Variants in ZBTB22 observed in about 807,000 individuals in gnomAD.
ZBTB22 encodes the protein zinc finger and BTB domain containing 22.
For synonymous variants in ZBTB22, 356 were observed against 347.3 expected, an observed-to-expected ratio of 1.03 and a Z score of -0.28; for missense variants, 668 against 834.1, an observed-to-expected ratio of 0.80 and a Z score of 2.45.
Position 33,315,875 on chromosome 6 carries a change from C to T in ZBTB22, c.1042G>A (p.Val348Met), listed in dbSNP as rs1013447009. Reference sequence around the variant, plus strand: ...AGGGTAGCCTCAGGCCCTCCCCCCACTGGAACCCTGGAGCTACCCCCTAGT... The same window carrying T: ...AGGGTAGCCTCAGGCCCTCCCCCCATTGGAACCCTGGAGCTACCCCCTAGT... ...EELGGSSRVP[V>M]GGGPEATLSI... The change falls in exon 2 of 2, where the codon GTG becomes ATG. Residue 348 changes from valine to methionine, a missense_variant. Transcript: ENST00000431845. The surrounding 1 kb of genome is among the most constrained non-coding windows in gnomAD (Gnocchi z 5.4). The T allele has an allele frequency of 6.2e-7, 1 of 1,613,934 alleles. No homozygotes were observed. Among genetic ancestry groups the T allele is most frequent in the Non-Finnish European group, 8.5e-7 (1 of 1,179,930 alleles).
At position 33,316,656 on chromosome 6, in the gene ZBTB22, T is replaced by A. The variant is rs774041209; in HGVS notation, c.261A>T (p.Leu87=). The change falls in exon 2 of 2, where the codon CTA becomes CTT. Residue 87 remains leucine (L), a synonymous_variant. Coordinates refer to ENST00000431845, the MANE Select transcript of ZBTB22 (RefSeq NM_005453.5). This position sits in a 1 kb window ranked among gnomAD's most constrained non-coding sequence, Gnocchi z 7.2. Reference sequence around the variant, plus strand: ...GCGAGATGGAGGTCATGCCTTTGAGTAGGACCTGATCATGGAAGTAAGGGG... The same window carrying A: ...GCGAGATGGAGGTCATGCCTTTGAGAAGGACCTGATCATGGAAGTAAGGGG... ...ASSPYFHDQV[L]LKGMTSISLP... 6.2e-7 allele frequency: 1 copy of A among 1,613,818 alleles called. No homozygotes were observed. Among genetic ancestry groups the A allele is most frequent in the South Asian group, 1.1e-5 (1 of 91,072 alleles).
At chr6:33,317,846 T>G (rs1770019625), upstream of ZBTB22, 1 of 151,118 alleles carries the variant, frequency 6.6e-6, no homozygotes, top group South Asian at 2.1e-4. Context: ...ACTCGGCCAC[T>G]TTGCCTTTAA....
rs552316144 is a variant in ZBTB22 at position 33,315,095 on chromosome 6, G to T, written c.1822C>A (p.Pro608Thr). 5 of 1,610,690 alleles carry T rather than the reference G, an allele frequency of 3.1e-6. No homozygotes were observed. In the South Asian group the frequency reaches 5.5e-5, roughly 18 times the overall value. Residue 608 changes from proline (P) to threonine (T), a missense_variant, in exon 2 of 2, where the codon CCC (proline) becomes ACC (threonine). Pro to Thr is a conservative substitution (Grantham distance 38, BLOSUM62 -1). Coordinates refer to ENST00000431845, the MANE Select transcript of ZBTB22 (RefSeq NM_005453.5). The surrounding 1 kb of genome is among the most constrained non-coding windows in gnomAD (Gnocchi z 5.4). ...GSGDEASAAT[P>T]PSSRRVWSPP... ...GACCAGACACGTCTGCTGGACGGGG[G>T]CGTGGCCGCACTCGCTTCGTCGCCG...
At position 33,316,193 on chromosome 6, in the gene ZBTB22, A is replaced by G; in HGVS notation, c.724T>C (p.Phe242Leu). The G allele has an allele frequency of 6.2e-7, 1 of 1,614,010 alleles. No homozygotes were observed. The highest frequency in any genetic ancestry group is 1.1e-5 in the South Asian group (1 of 91,082). ...SGERRGGGPV[F>L]PAPVVGSGGA... Reference sequence around the variant, plus strand: ...CCACTGCCAACGACAGGGGCTGGGAATACAGGGCCACCTCCTCGACGCTCC... The same window carrying G: ...CCACTGCCAACGACAGGGGCTGGGAGTACAGGGCCACCTCCTCGACGCTCC... The change falls in exon 2 of 2, where the codon TTC becomes CTC. Residue 242 changes from phenylalanine (F) to leucine (L), a missense_variant. By Grantham distance (22) the Phe-to-Leu change is conservative (BLOSUM62 0). Transcript: ENST00000431845. The surrounding 1 kb of genome is among the most constrained non-coding windows in gnomAD (Gnocchi z 7.2).
Position 33,316,680 on chromosome 6 carries a change from G to T in ZBTB22, c.237C>A (p.Ser79=). The T allele has an allele frequency of 6.2e-7, 1 of 1,614,218 alleles. No individual in the cohort carries two copies. Among genetic ancestry groups the T allele is most frequent in the South Asian group, 1.1e-5 (1 of 91,084 alleles). ...RAHRAVLAAS[S]PYFHDQVLLK... is the part of the protein sequence containing the mutation. ...GTAGGACCTGATCATGGAAGTAAGG[G>T]GAGGAGGCAGCCAGGACAGCCCGAT... is the stretch of plus-strand genomic sequence containing the variant. Residue 79 remains serine, a synonymous_variant, in exon 2 of 2, where the codon TCC becomes TCA. Coordinates refer to ENST00000431845, the MANE Select transcript of ZBTB22 (RefSeq NM_005453.5). The surrounding 1 kb of genome is among the most constrained non-coding windows in gnomAD (Gnocchi z 7.2).
Position 33,315,122 on chromosome 6 carries a change from T to A in ZBTB22, c.1795A>T (p.Ser599Cys). 6.2e-7 allele frequency: 1 copy of A among 1,612,266 alleles called. No individual in the cohort carries two copies. The highest frequency in any genetic ancestry group is 8.5e-7 in the Non-Finnish European group (1 of 1,178,668). Residue 599 changes from serine (S) to cysteine (C), a missense_variant, in exon 2 of 2, where the codon AGC (serine) becomes TGC (cysteine). By Grantham distance (112) the Ser-to-Cys change is moderately radical. Transcript: ENST00000431845. The surrounding 1 kb of genome is among the most constrained non-coding windows in gnomAD (Gnocchi z 5.4). ...KRESPGVGGG[S>C]GDEASAATPP... Reference sequence around the variant, plus strand: ...GTGGCCGCACTCGCTTCGTCGCCGCTGCCCCCGCCCACTCCGGGAGACTCT... The same window carrying A: ...GTGGCCGCACTCGCTTCGTCGCCGCAGCCCCCGCCCACTCCGGGAGACTCT...
chr6:33,315,155 A>T lies in ZBTB22; in HGVS notation c.1762T>A (p.Ser588Thr). The T allele has an allele frequency of 6.2e-7, 1 of 1,612,818 alleles. No individual in the cohort carries two copies. Among genetic ancestry groups the T allele is most frequent in the Non-Finnish European group, 8.5e-7 (1 of 1,179,398 alleles). ...CCCACTCCGGGAGACTCTCTCTTGG[A>T]CGGCAAGGATGGCCCCGTGGGAGTC... ...PGTPTGPSLPSKRESPGVGGG... is the reference protein window; with the variant it reads ...PGTPTGPSLPTKRESPGVGGG... The change falls in exon 2 of 2, where the codon TCC becomes ACC. Residue 588 changes from serine to threonine, a missense_variant. Ser to Thr is a moderately conservative substitution (Grantham distance 58). Coordinates refer to ENST00000431845, the MANE Select transcript of ZBTB22 (RefSeq NM_005453.5). This position sits in a 1 kb window ranked among gnomAD's most constrained non-coding sequence, Gnocchi z 5.4.
chr6:33,316,203 ACCT>A lies in ZBTB22; in HGVS notation c.711_713del (p.Gly239del). The A allele has an allele frequency of 6.2e-7, 1 of 1,613,596 alleles. No individual in the cohort carries two copies. Among genetic ancestry groups the A allele is most frequent in the Non-Finnish European group, 8.5e-7 (1 of 1,179,908 alleles). Reference sequence around the variant, plus strand: ...CGACAGGGGCTGGGAATACAGGGCCACCTCCTCGACGCTCCCCACTGCCCACTG... The same window carrying A: ...CGACAGGGGCTGGGAATACAGGGCCACCTCGACGCTCCCCACTGCCCACTG... On this transcript the variant is annotated inframe_deletion, in exon 2 of 2. Coordinates refer to ENST00000431845, the MANE Select transcript of ZBTB22 (RefSeq NM_005453.5). The surrounding 1 kb of genome is among the most constrained non-coding windows in gnomAD (Gnocchi z 7.2).
At chr6:33,317,072 CT>C (rs1179716764) in intron 1 of ZBTB22, 87 bp from the exon 2 acceptor site, 3 of 884,296 alleles carry the variant, frequency 3.4e-6, no homozygotes, top group East Asian at 2.7e-5. Context: ...CGCTCATTAT[CT>C]GTGTAACTCC....
Position 33,314,525 on chromosome 6 carries a change from G to C in ZBTB22, c.*487C>G, listed in dbSNP as rs779412299. On this transcript the variant is annotated 3_prime_UTR_variant, in exon 2 of 2. Transcript: ENST00000431845. ...CCCACTCCTCCATGAGAACCGAGTT[G>C]GGAATTTCCACGGGAAGTCGGGGGT... 30 of 200,692 alleles carry C rather than the reference G, an allele frequency of 1.5e-4. No individual in the cohort carries two copies. Among genetic ancestry groups the C allele is most frequent in the South Asian group, 1.1e-3 (9 of 8,226 alleles). 12.4% of individuals were successfully genotyped at this position (200,692 alleles called of 1,614,324 possible).
chr6:33,314,938 G>A lies in ZBTB22; in HGVS notation c.*74C>T, dbSNP rs1267142230. On this transcript the variant is annotated 3_prime_UTR_variant, in exon 2 of 2. Coordinates refer to ENST00000431845, the MANE Select transcript of ZBTB22 (RefSeq NM_005453.5). ...AGTAAGTGTGGTGGGAGATCACCCGGGGGCCACAGCGCCCTTGCATCGTGC... is the reference window on the plus strand; with the variant it reads ...AGTAAGTGTGGTGGGAGATCACCCGAGGGCCACAGCGCCCTTGCATCGTGC... 3.7e-5 allele frequency: 55 copies of A among 1,506,710 alleles called. No homozygotes were observed. Among genetic ancestry groups the A allele is most frequent in the Non-Finnish European group, 4.7e-5 (53 of 1,127,186 alleles). The allele number at this position is 1,506,710 out of a possible 1,614,324, so 93.3% of individuals were successfully genotyped here. A position where few individuals can be genotyped will look rare whatever the true frequency, so the allele number is the denominator to read the frequency against.
Position 33,315,619 on chromosome 6 carries a change from G to A in ZBTB22, c.1298C>T (p.Ser433Phe). 1 of 1,613,982 alleles carries A rather than the reference G, an allele frequency of 6.2e-7. No homozygotes were observed. ...GNQILVFPSS[S>F]SSSSSQAPGQ... is the part of the protein sequence containing the mutation. The stretch of plus-strand genomic sequence containing the variant: ...AGGAGCCTGTGAGGATGAGGATGAA[G>A]ACGACGACGGGAAGACCAGGATCTG... Residue 433 changes from serine (S) to phenylalanine (F), a missense_variant, in exon 2 of 2, where the codon TCT becomes TTT. Physicochemically the swap from Ser to Phe is radical, Grantham distance 155 (BLOSUM62 -2). Coordinates refer to ENST00000431845, the MANE Select transcript of ZBTB22 (RefSeq NM_005453.5). The surrounding 1 kb of genome is among the most constrained non-coding windows in gnomAD (Gnocchi z 5.4).
intron 1 of ZBTB22, 133 bp from the exon 2 acceptor site, chr6:33,317,118 A>T: frequency 1.6e-6 from 1 of 610,366 alleles, no homozygotes. Context: ...TCTCAACCCC[A>T]TTTGACAGAT....
In ZBTB22 at chr6:33,316,394, A is replaced by T. The variant is rs376970273; in HGVS notation, c.523T>A (p.Ser175Thr). The T allele has an allele frequency of 3.1e-6, 5 of 1,613,936 alleles. No homozygotes were observed. The African/African-American group carries it at 6.7e-5, about 22-fold the overall frequency. The change falls in exon 2 of 2, where the codon TCC (serine) becomes ACC (threonine). Residue 175 changes from serine to threonine, a missense_variant. Coordinates refer to ENST00000431845, the MANE Select transcript of ZBTB22 (RefSeq NM_005453.5). The surrounding 1 kb of genome is among the most constrained non-coding windows in gnomAD (Gnocchi z 7.2). ...GGGGCCACAGTGCCCCCACTCCCGG[A>T]TGGCACCCCAGCACCAGGGACAGTG... ...SVTVPGAGVPSGSGGTVAPAT... is the reference protein window; with the variant it reads ...SVTVPGAGVPTGSGGTVAPAT...
At position 33,315,882 on chromosome 6, in the gene ZBTB22, C is replaced by G; in HGVS notation, c.1035G>C (p.Arg345Ser). 6.2e-7 allele frequency: 1 copy of G among 1,613,902 alleles called. No homozygotes were observed. Among genetic ancestry groups the G allele is most frequent in the Non-Finnish European group, 8.5e-7 (1 of 1,179,934 alleles). The change falls in exon 2 of 2, where the codon AGG becomes AGC. Residue 345 changes from arginine to serine, a missense_variant. Coordinates refer to ENST00000431845, the MANE Select transcript of ZBTB22 (RefSeq NM_005453.5). This position sits in a 1 kb window ranked among gnomAD's most constrained non-coding sequence, Gnocchi z 5.4. ...DEDEELGGSS[R>S]VPVGGGPEAT... Reference sequence around the variant, plus strand: ...CCTCAGGCCCTCCCCCCACTGGAACCCTGGAGCTACCCCCTAGTTCTTCAT... The same window carrying G: ...CCTCAGGCCCTCCCCCCACTGGAACGCTGGAGCTACCCCCTAGTTCTTCAT...
Position 33,316,602 on chromosome 6 carries a change from A to C in ZBTB22, c.315T>G (p.Phe105Leu). Residue 105 changes from phenylalanine to leucine, a missense_variant, in exon 2 of 2, where the codon TTT becomes TTG. Transcript: ENST00000431845. The surrounding 1 kb of genome is among the most constrained non-coding windows in gnomAD (Gnocchi z 7.2). The stretch of plus-strand genomic sequence containing the variant: ...TGTAAGCGGAGGCTAGGACAGTCTC[A>C]AAGGCGCCTGGGTCCATGACACTGG... ...SLPSVMDPGA[F>L]ETVLASAYTG... 1 of 1,614,236 alleles carries C rather than the reference A, an allele frequency of 6.2e-7. No homozygotes were observed. Among genetic ancestry groups the C allele is most frequent in the Non-Finnish European group, 8.5e-7 (1 of 1,180,040 alleles).
Position 33,315,636 on chromosome 6 carries a change from C to G in ZBTB22, c.1281G>C (p.Leu427=). The G allele has an allele frequency of 6.2e-7, 1 of 1,613,942 alleles. No homozygotes were observed. Among genetic ancestry groups the G allele is most frequent in the Non-Finnish European group, 8.5e-7 (1 of 1,179,980 alleles). The change falls in exon 2 of 2, where the codon CTG becomes CTC. Residue 427 remains leucine, a synonymous_variant. Coordinates refer to ENST00000431845, the MANE Select transcript of ZBTB22 (RefSeq NM_005453.5). This position sits in a 1 kb window ranked among gnomAD's most constrained non-coding sequence, Gnocchi z 5.4. ...LPLDMQGNQI[L]VFPSSSSSSS... ...AGGATGAAGACGACGACGGGAAGACCAGGATCTGGTTGCCCTGCATGTCCA... is the reference window on the plus strand; with the variant it reads ...AGGATGAAGACGACGACGGGAAGACGAGGATCTGGTTGCCCTGCATGTCCA...
At chr6:33,317,589 A>G (rs1275450680) in intron 1 of ZBTB22, 64 bp downstream of exon 1, 2 of 91,442 alleles carry the variant, frequency 2.2e-5, no homozygotes. Flanking sequence ...CTCCGCCCCA[A>G]GCGCTACCTC....
Position 33,316,605 on chromosome 6 carries a change from G to A in ZBTB22, c.312C>T (p.Ala104=). The A allele has an allele frequency of 6.2e-7, 1 of 1,614,238 alleles. No homozygotes were observed. The highest frequency in any genetic ancestry group is 8.5e-7 in the Non-Finnish European group (1 of 1,180,042). ...AAGCGGAGGCTAGGACAGTCTCAAA[G>A]GCGCCTGGGTCCATGACACTGGGCA... ...ISLPSVMDPG[A]FETVLASAYT... The change falls in exon 2 of 2, where the codon GCC becomes GCT. Residue 104 remains alanine (A), a synonymous_variant. Coordinates refer to ENST00000431845, the MANE Select transcript of ZBTB22 (RefSeq NM_005453.5). This position sits in a 1 kb window ranked among gnomAD's most constrained non-coding sequence, Gnocchi z 7.2.
Sources: gnomAD v4.1 joint callset for allele counts on GRCh38, gnomAD v4.1.1 for gene constraint, Gnocchi (gnomAD v3.1) non-coding constraint, MANE v1.5 for transcripts, NCBI Gene and HGNC (gene_info 2026-07-23, HGNC 2026-07-21) for gene names.